DCX: variants seen among roughly 807,000 people sequenced by gnomAD.
The protein encoded by DCX is doublecortin, also known as neuronal migration protein doublecortin.
DCX carries 4 observed loss-of-function variants against 20.9 expected under a neutral mutation model. The ratio of observed to expected loss-of-function variants is 0.19; its 90% CI spans 0.09 to 0.44. The LOEUF (loss-of-function observed/expected upper bound fraction) is 0.44, where lower values mean the gene tolerates loss of function less well. DCX is among the 20% of genes least tolerant of loss of function. DCX has a pLI of 0.99. For synonymous variants in DCX, 103 were observed against 111.4 expected (o/e 0.92, Z 0.47); for missense variants, 133 against 296.9 (o/e 0.45, Z 4.06).
intron 2 of DCX, among the ~76,000 whole-genome samples, chrX:111,402,133 G>T (rs1927839803): frequency 8.9e-6 from 1 of 111,760 alleles, no homozygotes; most frequent in African/African-American, 3.3e-5. Flanking sequence ...GTGTATTCAG[G>T]GTCATCTTCA....
intron 3 of DCX, among the ~76,000 whole-genome samples, chrX:111,342,373 A>ATATATATATATC (rs1922355016): frequency 1.3e-5 from 1 of 77,701 alleles, no homozygotes; most frequent in Admixed American, 1.4e-4. Context: ...ATATATATAT[A>ATATATATATATC]TATATATATC....
chrX:111,389,947 T>C (rs185221806), intron 3 of DCX, among the ~76,000 whole-genome samples: 38 of 111,981 alleles, frequency 3.4e-4, no homozygotes, highest in African/African-American at 1.2e-3. Flanking sequence ...TATGTTATGT[T>C]TCATGGCAAA....
chrX:111,321,231 A>G (rs1382629742), intron 5 of DCX, among the ~76,000 whole-genome samples: 3 of 112,051 alleles, frequency 2.7e-5, no homozygotes, highest in African/African-American at 9.7e-5. Context: ...CAGACAGAGC[A>G]TTAGCATGAC....
intron 5 of DCX, among the ~76,000 whole-genome samples, chrX:111,316,256 G>A (rs1048438488): frequency 3.6e-5 from 4 of 109,931 alleles, no homozygotes; most frequent in Admixed American, 9.7e-5. Context: ...TTTTTGAGAC[G>A]GAGTCTTGCT....
intron 3 of DCX, among the ~76,000 whole-genome samples, chrX:111,379,585 T>A (rs773196447): frequency 8.9e-6 from 1 of 112,428 alleles, no homozygotes; most frequent in South Asian, 3.7e-4. Context: ...ATTGCATGAA[T>A]ACAGCACATT....
chrX:111,310,091 G>A (rs113614948), intron 6 of DCX, among the ~76,000 whole-genome samples: 3,063 of 112,368 alleles, frequency 0.027, 114 homozygotes, highest in African/African-American at 0.094. Context: ...CCAGCACTTC[G>A]GAAGGCCGAG....
intron 3 of DCX, among the ~76,000 whole-genome samples, chrX:111,372,010 A>T (rs762000330): frequency 9.0e-6 from 1 of 110,806 alleles, no homozygotes; most frequent in Non-Finnish European, 1.9e-5. Flanking sequence ...ATAGAGTCCA[A>T]ATGAAGCCAT....
chrX:111,401,951 TTA>T (rs1343659252), intron 2 of DCX, among the ~76,000 whole-genome samples: 3 of 112,389 alleles, frequency 2.7e-5, no homozygotes, highest in African/African-American at 9.7e-5. Flanking sequence ...TGTTGAATGT[TTA>T]TATGTGTGTA....
intron 5 of DCX, among the ~76,000 whole-genome samples, chrX:111,328,558 T>C (rs2095105049): frequency 9.0e-6 from 1 of 111,222 alleles, no homozygotes; most frequent in African/African-American, 3.3e-5. Context: ...ATGGGTTATA[T>C]GGTGGTTTAA....
At chrX:111,332,909 A>C (rs1433497866) in intron 4 of DCX, 142 bp downstream of exon 4, 4 of 518,236 alleles carry the variant, frequency 7.7e-6, no homozygotes, top group Non-Finnish European at 1.4e-5. Context: ...CCATGTATCC[A>C]AATATACAGG....
intron 3 of DCX, among the ~76,000 whole-genome samples, chrX:111,382,128 G>C (rs1926021116): frequency 8.9e-6 from 1 of 111,865 alleles, no homozygotes; most frequent in Non-Finnish European, 1.9e-5. Flanking sequence ...CAAGTTCCCA[G>C]ATGACGCTGA....
intron 3 of DCX, among the ~76,000 whole-genome samples, chrX:111,386,059 T>C (rs1031735810): frequency 8.9e-6 from 1 of 112,085 alleles, no homozygotes; most frequent in Non-Finnish European, 1.9e-5. Flanking sequence ...CACATCATTC[T>C]GTTCTGTTTC....
At chrX:111,392,004 T>C (rs1173079877) in intron 3 of DCX, among the ~76,000 whole-genome samples, 1 of 111,547 alleles carries the variant, frequency 9.0e-6, no homozygotes, top group East Asian at 2.8e-4. Context: ...TTAGAATGCA[T>C]CTTTGATTCT....
intron 6 of DCX, among the ~76,000 whole-genome samples, chrX:111,308,964 C>G (rs1395312833): frequency 3.6e-5 from 4 of 110,166 alleles, no homozygotes; most frequent in African/African-American, 1.3e-4. Flanking sequence ...TCCTCTGTAC[C>G]TCTTTTTTTC....
intron 5 of DCX, among the ~76,000 whole-genome samples, chrX:111,321,042 G>A (rs1348447069): frequency 9.0e-6 from 1 of 111,316 alleles, no homozygotes; most frequent in Non-Finnish European, 1.9e-5. Flanking sequence ...TAGGGAGGAG[G>A]GTGAAAGTTG....
In DCX at chrX:111,301,336, C is replaced by T. The variant is rs947298348; in HGVS notation, c.*351G>A. On this transcript the variant is annotated 3_prime_UTR_variant, in exon 7 of 7. Transcript: ENST00000636035. The stretch of plus-strand genomic sequence containing the variant: ...TTTAAGTGCTGTATATGTAAACAGC[C>T]CTCTACAGAAGGAAGACTGTATGGG... 6 of 254,664 alleles carry T rather than the reference C, an allele frequency of 2.4e-5. No homozygotes were observed. In the Admixed American group the frequency reaches 3.2e-4, roughly 14 times the overall value. The allele number at this position is 254,664 out of a possible 1,213,427, so 21.0% of individuals were successfully genotyped here.
Position 111,299,057 on chromosome X carries a change from A to G in DCX, c.*2630T>C, listed in dbSNP as rs1375895725. ...TGTTGACCGTGCAGAAATTAACACA[A>G]TGGAACTTGAGTGCTAAAATTGGAT... On this transcript the variant is annotated 3_prime_UTR_variant, in exon 7 of 7. Coordinates refer to ENST00000636035, the MANE Select transcript of DCX (RefSeq NM_001195553.2). 9.0e-6 allele frequency: 1 copy of G among 110,567 alleles called. No individual in the cohort carries two copies. The highest frequency in any genetic ancestry group is 3.3e-5 in the African/African-American group (1 of 30,203). 9.1% of individuals were successfully genotyped at this position (110,567 alleles called of 1,213,427 possible).
At chrX:111,332,774 C>T (rs1259804228) in intron 4 of DCX, among the ~76,000 whole-genome samples, 1 of 111,900 alleles carries the variant, frequency 8.9e-6, no homozygotes, top group East Asian at 2.8e-4. Flanking sequence ...CCTGTTATCC[C>T]ATGTGACACA....
chrX:111,401,107 A>G lies in DCX; in HGVS notation c.588T>C (p.Arg196=), dbSNP rs138706968. The G allele has an allele frequency of 6.6e-4, 800 of 1,209,805 alleles. 3 individuals are homozygous for G. The African/African-American group carries it at 0.012, about 18-fold the overall frequency. Residue 196 remains arginine, a synonymous_variant, in exon 3 of 7, where the codon CGT becomes CGC. Transcript: ENST00000636035. ...RSGVKPRKAV[R]VLLNKKTAHS... ...GGGCTGTCTTCTTGTTCAGAAGCAC[A>G]CGCACAGCCTTCCGAGGCTTCACCC...
Sources: allele counts gnomAD v4.1 joint callset (sites outside exome capture counted in the v4.1 genomes callset), GRCh38; gene constraint gnomAD v4.1.1; transcripts MANE v1.5; gene names NCBI Gene and HGNC (gene_info 2026-07-23, HGNC 2026-07-21).